GRIP1: variants seen among roughly 807,000 people sequenced by gnomAD.
GRIP1 encodes the protein glutamate receptor interacting protein 1.
GRIP1 carries 45 observed loss-of-function variants against 129.9 expected under a neutral mutation model. The ratio of observed to expected loss-of-function variants is 0.35; its 90% CI spans 0.27 to 0.44. GRIP1 has a LOEUF of 0.44. GRIP1 is among the 20% of genes least tolerant of loss of function. The probability of loss-of-function intolerance (pLI) is 1.00; values close to 1 mark genes in which losing one functional copy is unlikely to be tolerated. For missense variants in GRIP1, 1,196 were observed against 1,396.8 expected (o/e 0.86, Z 2.29); for synonymous variants, 530 against 520.8 (o/e 1.02, Z -0.24).
Position 66,636,715 on chromosome 12 carries a change from C to CTCTGTGTGTG in GRIP1, c.56-39789_56-39788insCACACACAGA, listed in dbSNP as rs779418554. ...TAAAACAGGGGGAGACATTAGATCT[C>CTCTGTGTGTG]TGTGTGTGTGTGTGTGTGTGTGTGT... On this transcript the variant is annotated intron_variant, in intron 1 of 24. Coordinates refer to ENST00000359742, the MANE Select transcript of GRIP1 (RefSeq NM_001366722.1). Among the ~76,000 whole-genome samples the CTCTGTGTGTG allele has an allele frequency of 5.0e-3, 733 of 145,204 alleles. 12 individuals are homozygous for CTCTGTGTGTG. The highest frequency in any genetic ancestry group is 0.018 in the African/African-American group (685 of 39,072).
chr12:66,491,582 G>T (rs2060104707), intron 7 of GRIP1, among the ~76,000 whole-genome samples: 1 of 152,064 alleles, frequency 6.6e-6, no homozygotes, highest in Non-Finnish European at 1.5e-5. Context: ...ATTTACCTAT[G>T]TAACAAATCT....
intron 1 of GRIP1, among the ~76,000 whole-genome samples, chr12:66,967,378 C>T (rs978030183): frequency 6.6e-6 from 1 of 152,068 alleles, no homozygotes; most frequent in African/African-American, 2.4e-5. Flanking sequence ...TGCAATAGAA[C>T]ATTAGAACTT....
intron 2 of GRIP1, among the ~76,000 whole-genome samples, chr12:66,572,640 TCTCAGGTGAC>T (rs2063001783): frequency 6.6e-6 from 1 of 152,176 alleles, no homozygotes; most frequent in African/African-American, 2.4e-5. Context: ...GACAGGGTAA[TCTCAGGTGAC>T]CTTCAGGAGC....
In GRIP1 at chr12:66,743,594, T is replaced by TG. The variant is rs202020938; in HGVS notation, c.-420+60458_-420+60459insC. ...TGTCCATAACGTAAATAGGCTTTTT[T>TG]TTTGTGTGTGTGTGTGTGGCCATGC... On this transcript the variant is annotated intron_variant, in intron 1 of 4. Transcript: ENST00000538373. 5.7e-3 allele frequency among the ~76,000 whole-genome samples: 806 copies of TG among 141,236 alleles called. 2 individuals are homozygous for TG. Among genetic ancestry groups the TG allele is most frequent in the Non-Finnish European group, 8.8e-3 (546 of 62,170 alleles). The allele number at this position is 141,236 out of a possible 152,430, so 92.7% of individuals were successfully genotyped here.
intron 9 of GRIP1, among the ~76,000 whole-genome samples, chr12:66,459,041 A>AATGTTTGTCTGTCTGTACTAGAATGTTT (rs2059054950): frequency 6.6e-6 from 1 of 152,218 alleles, no homozygotes; most frequent in Non-Finnish European, 1.5e-5. Flanking sequence ...TATTTAATAT[A>AATGTTTGTCTGTCTGTACTAGAATGTTT]TTTTTAATGT....
intron 1 of GRIP1, among the ~76,000 whole-genome samples, chr12:66,742,918 T>A (rs1056952752): frequency 6.6e-6 from 1 of 152,132 alleles, no homozygotes; most frequent in Non-Finnish European, 1.5e-5. Context: ...TAAATTCTTA[T>A]TGAAAAAAAG....
At chr12:66,606,578 T>A (rs1264853405) in intron 1 of GRIP1, among the ~76,000 whole-genome samples, 1 of 152,178 alleles carries the variant, frequency 6.6e-6, no homozygotes, top group Non-Finnish European at 1.5e-5. Flanking sequence ...ATCCTTTATA[T>A]GTATAATCTT....
intron 1 of GRIP1, among the ~76,000 whole-genome samples, chr12:66,817,661 C>A: frequency 6.6e-6 from 1 of 152,214 alleles, no homozygotes; most frequent in Non-Finnish European, 1.5e-5. Flanking sequence ...GATCCACCCA[C>A]CTCGGCCTCC....
chr12:66,407,857 C>T (rs920148552), intron 15 of GRIP1, among the ~76,000 whole-genome samples: 8 of 152,146 alleles, frequency 5.3e-5, no homozygotes, highest in Non-Finnish European at 1.0e-4. Context: ...AGTGAGAAAC[C>T]AGCTGGGGTG....
chr12:66,522,580 G>T (rs907687295), intron 5 of GRIP1, among the ~76,000 whole-genome samples: 17 of 152,230 alleles, frequency 1.1e-4, no homozygotes, highest in Admixed American at 2.6e-4. Context: ...CCACAAAGAT[G>T]GGGAAAAAAC....
At position 66,420,708 on chromosome 12, in the gene GRIP1, C is replaced by T. The variant is rs753838781; in HGVS notation, c.1838+12G>A. On this transcript the variant is annotated intron_variant, in intron 15 of 24. Transcript: ENST00000359742. ...AGGCCTTAAAATGAATCAGAAAATC[C>T]ATTTTCCTTACCTGTGTGCCACACT... 2 of 1,463,724 alleles carry T rather than the reference C, an allele frequency of 1.4e-6. No individual in the cohort carries two copies. Among genetic ancestry groups the T allele is most frequent in the African/African-American group, 1.4e-5 (1 of 72,724 alleles). 90.7% of individuals were successfully genotyped at this position (1,463,724 alleles called of 1,614,324 possible). A position where few individuals can be genotyped will look rare whatever the true frequency, so the allele number is the denominator to read the frequency against.
chr12:66,441,644 T>C (rs188576556), intron 13 of GRIP1, among the ~76,000 whole-genome samples: 205 of 152,324 alleles, frequency 1.3e-3, no homozygotes, highest in African/African-American at 4.6e-3. Context: ...CTTTCTATTT[T>C]CTCTTTCAAT....
At chr12:66,546,026 A>G (rs2061936489) in intron 2 of GRIP1, among the ~76,000 whole-genome samples, 1 of 152,202 alleles carries the variant, frequency 6.6e-6, no homozygotes, top group Non-Finnish European at 1.5e-5. Context: ...TTCCAAATTG[A>G]TATATAGGTT....
At chr12:66,624,719 G>A (rs2139995479) in intron 1 of GRIP1, among the ~76,000 whole-genome samples, 1 of 152,238 alleles carries the variant, frequency 6.6e-6, no homozygotes, top group Non-Finnish European at 1.5e-5. Flanking sequence ...TTCTCCATGT[G>A]AAATTTCCCA....
intron 4 of GRIP1, among the ~76,000 whole-genome samples, chr12:66,538,561 G>A (rs964395749): frequency 6.6e-6 from 1 of 152,118 alleles, no homozygotes; most frequent in African/African-American, 2.4e-5. Flanking sequence ...GAAGAGTAGT[G>A]AGATTGGCAT....
chr12:67,037,374 G>C (rs1316800681), intron 1 of GRIP1: 1 of 87,936 alleles, frequency 1.1e-5, no homozygotes, highest in Non-Finnish European at 2.6e-5. Flanking sequence ...AAATACTAAG[G>C]CTATACTAAC....
At chr12:66,781,732 G>T (rs1190743911) in intron 1 of GRIP1, among the ~76,000 whole-genome samples, 1 of 152,204 alleles carries the variant, frequency 6.6e-6, no homozygotes, top group East Asian at 1.9e-4. Context: ...GAAGATACAG[G>T]TATTGGAGAG....
At position 66,623,076 on chromosome 12, in the gene GRIP1, T is replaced by C. The variant is rs111269689; in HGVS notation, c.56-26149A>G. The stretch of plus-strand genomic sequence containing the variant: ...AGAATACTTCCTGATGAACAGTAGA[T>C]GCTCAGTAGGTAACTGCCGAATGAA... On this transcript the variant is annotated intron_variant, in intron 1 of 24. Coordinates refer to ENST00000359742, the MANE Select transcript of GRIP1 (RefSeq NM_001366722.1). 4.2e-3 allele frequency among the ~76,000 whole-genome samples: 641 copies of C among 152,278 alleles called. 8 individuals are homozygous for C. The highest frequency in any genetic ancestry group is 0.015 in the African/African-American group (606 of 41,552).
intron 1 of GRIP1, among the ~76,000 whole-genome samples, chr12:66,974,169 C>T (rs2042119114): frequency 6.6e-6 from 1 of 152,004 alleles, no homozygotes; most frequent in Non-Finnish European, 1.5e-5. Flanking sequence ...GGTGATCCTC[C>T]CACCTCAGCC....
Sources: allele counts gnomAD v4.1 joint callset (sites outside exome capture counted in the v4.1 genomes callset), GRCh38; gene constraint gnomAD v4.1.1; transcripts MANE v1.5; gene names NCBI Gene and HGNC (gene_info 2026-07-23, HGNC 2026-07-21).